Variants in SPATA31H1 observed in about 807,000 individuals in gnomAD.
SPATA31H1 encodes the protein spermatogenesis-associated protein 31H1.
chr2:27,576,503 A>T, the SPATA31H1 span: 1 of 1,227,714 alleles, frequency 8.1e-7, no homozygotes, highest in Non-Finnish European at 1.1e-6. Flanking sequence ...GGTTGACATC[A>T]TGCTTTGGGT....
At chr2:27,547,348 A>AT in the SPATA31H1 span, among the ~76,000 whole-genome samples, 2 of 151,322 alleles carry the variant, frequency 1.3e-5, no homozygotes, top group African/African-American at 4.9e-5. Context: ...TAATTTTTGT[A>AT]TTTTTTAGTA....
the SPATA31H1 span, among the ~76,000 whole-genome samples, chr2:27,552,870 T>C: frequency 9.2e-5 from 14 of 152,230 alleles, no homozygotes; most frequent in Non-Finnish European, 1.3e-4. Flanking sequence ...TTATTAGCTC[T>C]AATAGGTTTC....
the SPATA31H1 span, chr2:27,582,018 A>T: frequency 6.2e-7 from 1 of 1,613,910 alleles, no homozygotes; most frequent in Non-Finnish European, 8.5e-7. Flanking sequence ...GAGCCGTCAC[A>T]GTCTCTTGGA....
At chr2:27,569,201 A>T in the SPATA31H1 span, 4 of 399,048 alleles carry the variant, frequency 1.0e-5, no homozygotes, top group Non-Finnish European at 1.8e-5. Context: ...TGGATTTGAT[A>T]CCAGGATCAG....
the SPATA31H1 span, chr2:27,578,842 G>A: frequency 6.2e-7 from 1 of 1,614,048 alleles, no homozygotes. Context: ...TGGGATTCTG[G>A]GATACAGGAA....
the SPATA31H1 span, among the ~76,000 whole-genome samples, chr2:27,539,101 C>CTTTTT: frequency 3.9e-3 from 369 of 94,374 alleles, no homozygotes; most frequent in Middle Eastern, 0.013. Flanking sequence ...TCATCATTTT[C>CTTTTT]TTTTTTTTTT....
chr2:27,573,328 T>C, the SPATA31H1 span: 1 of 398,276 alleles, frequency 2.5e-6, no homozygotes, highest in Non-Finnish European at 4.4e-6. Context: ...GACTCACAGC[T>C]TGGAAGTGTG....
At chr2:27,549,014 C>T in the SPATA31H1 span, among the ~76,000 whole-genome samples, 23 of 138,200 alleles carry the variant, frequency 1.7e-4, 1 homozygote, top group African/African-American at 5.9e-4. Context: ...GCGGAAGTTG[C>T]ATGAGCTGAG....
At chr2:27,544,802 C>T in the SPATA31H1 span, among the ~76,000 whole-genome samples, 1 of 151,842 alleles carries the variant, frequency 6.6e-6, no homozygotes, top group Non-Finnish European at 1.5e-5. Context: ...CCCACCTCAG[C>T]CTCCCAAAGC....
the SPATA31H1 span, among the ~76,000 whole-genome samples, chr2:27,551,620 A>G: frequency 6.6e-6 from 1 of 152,070 alleles, no homozygotes; most frequent in Non-Finnish European, 1.5e-5. Context: ...AGGCCAGGCT[A>G]GAAACTCAGG....
At chr2:27,573,668 T>A in the SPATA31H1 span, 1 of 398,266 alleles carries the variant, frequency 2.5e-6, no homozygotes, top group Non-Finnish European at 4.4e-6. Context: ...ACTCGCAAGA[T>A]GTGAAATCTT....
chr2:27,555,301 C>T, the SPATA31H1 span, among the ~76,000 whole-genome samples: 3 of 152,054 alleles, frequency 2.0e-5, no homozygotes, highest in South Asian at 6.2e-4. Context: ...ATTAGGCATA[C>T]TATGAATAGT....
At chr2:27,578,597 A>G in the SPATA31H1 span, 1 of 1,614,016 alleles carries the variant, frequency 6.2e-7, no homozygotes, top group Non-Finnish European at 8.5e-7. Flanking sequence ...AACATACAAT[A>G]TTGACTCATA....
chr2:27,540,021 C>A, the SPATA31H1 span, among the ~76,000 whole-genome samples: 1 of 121,120 alleles, frequency 8.3e-6, no homozygotes, highest in East Asian at 2.9e-4. Flanking sequence ...GGGGGCTGAC[C>A]CCCCCACCTC....
At chr2:27,559,441 T>C in the SPATA31H1 span, among the ~76,000 whole-genome samples, 1 of 152,232 alleles carries the variant, frequency 6.6e-6, no homozygotes, top group East Asian at 1.9e-4. Flanking sequence ...TTCCTTTTTC[T>C]CTAGGATCTT....
the SPATA31H1 span, chr2:27,582,658 C>T: frequency 4.5e-6 from 4 of 896,172 alleles, no homozygotes; most frequent in African/African-American, 3.4e-5. Flanking sequence ...TTCTCTCTAC[C>T]GGGGGGGAGG....
At chr2:27,576,853 C>T in the SPATA31H1 span, 2 of 1,614,106 alleles carry the variant, frequency 1.2e-6, no homozygotes, top group East Asian at 2.2e-5. Flanking sequence ...GTGGAATTAG[C>T]ACCAGGGTCA....
the SPATA31H1 span, chr2:27,580,745 T>A: frequency 1.2e-6 from 2 of 1,614,060 alleles, no homozygotes; most frequent in Non-Finnish European, 1.7e-6. Flanking sequence ...AAAACTATTA[T>A]CCAAAACAAA....
the SPATA31H1 span, chr2:27,574,298 T>C: frequency 7.5e-6 from 3 of 398,424 alleles, no homozygotes; most frequent in Non-Finnish European, 1.3e-5. Context: ...ACTTACAGAC[T>C]GTGAAATCTT....
Sources: gnomAD v4.1 joint callset for allele counts (sites outside exome capture counted in the v4.1 genomes callset) on GRCh38, gnomAD v4.1.1 for gene constraint, MANE v1.5 for transcripts, NCBI Gene and HGNC (gene_info 2026-07-23, HGNC 2026-07-21) for gene names.